RAC2: variants seen among roughly 807,000 people sequenced by gnomAD.
RAC2 encodes the protein Rac family small GTPase 2, also known as ras-related C3 botulinum toxin substrate 2.
In RAC2, 1 loss-of-function variant was observed where a neutral mutation model predicts 24.0. That is an observed-to-expected ratio of 0.04 (90% CI 0.01 to 0.20). RAC2 has a LOEUF of 0.20. Ranked by LOEUF, RAC2 falls within the 10% of genes least tolerant of loss-of-function variation. The pLI is 1.00. For synonymous variants in RAC2, 114 were observed against 106.8 expected, an observed-to-expected ratio of 1.07 and a Z score of -0.41; for missense variants, 130 against 259.1, an observed-to-expected ratio of 0.50 and a Z score of 3.42.
intron 2 of RAC2, among the ~76,000 whole-genome samples, chr22:37,237,231 G>A (rs879433264): frequency 7.4e-5 from 11 of 149,556 alleles, no homozygotes; most frequent in Non-Finnish European, 1.5e-4. Context: ...AAGGGAGGGA[G>A]GGAAGGAGGG....
At chr22:37,232,555 G>A (rs1231863711) in intron 3 of RAC2, 4 of 545,666 alleles carry the variant, frequency 7.3e-6, no homozygotes, top group African/African-American at 1.9e-5. Flanking sequence ...AACAGGGGGT[G>A]CCAGAGCCCA....
At chr22:37,241,077 C>T in intron 2 of RAC2, 2 of 754,130 alleles carry the variant, frequency 2.7e-6, no homozygotes, top group South Asian at 1.4e-5. Context: ...AGTCATCCTT[C>T]CCTCCTGAGT....
Position 37,231,804 on chromosome 22 carries a change from G to C in RAC2, c.288+128C>G. 9.1e-7 allele frequency: 1 copy of C among 1,097,142 alleles called. No homozygotes were observed. Among genetic ancestry groups the C allele is most frequent in the South Asian group, 1.4e-5 (1 of 73,726 alleles). 68.0% of individuals were successfully genotyped at this position (1,097,142 alleles called of 1,614,324 possible). Reference sequence around the variant, plus strand: ...TCAAGTCCCTCTGCCAGCCCTGGTTGGCACTGGGGACCCTCTCTGTATGCG... The same window carrying C: ...TCAAGTCCCTCTGCCAGCCCTGGTTCGCACTGGGGACCCTCTCTGTATGCG... On this transcript the variant is annotated intron_variant, in intron 4 of 6. Coordinates refer to ENST00000249071, the MANE Select transcript of RAC2 (RefSeq NM_002872.5). This position sits in a 1 kb window ranked among gnomAD's most constrained non-coding sequence, Gnocchi z 5.5.
chr22:37,232,633 A>C (rs369033175), intron 3 of RAC2, 168 bp downstream of exon 3: 5 of 656,202 alleles, frequency 7.6e-6, no homozygotes, highest in African/African-American at 7.1e-5. Context: ...AGGGAGTGCA[A>C]GAGGAAGCCC....
chr22:37,240,965 A>T, intron 2 of RAC2: 1 of 709,378 alleles, frequency 1.4e-6, no homozygotes, highest in South Asian at 1.5e-5. Flanking sequence ...GGTTGAGTGA[A>T]GGCCATCAGG....
chr22:37,241,061 C>A (rs761458473), intron 2 of RAC2: 18 of 733,392 alleles, frequency 2.5e-5, no homozygotes, highest in Admixed American at 1.2e-4. Flanking sequence ...GGGCTGGTGC[C>A]TCCCCAGTCA....
chr22:37,238,215 T>C (rs913199680), intron 2 of RAC2, among the ~76,000 whole-genome samples: 1 of 152,038 alleles, frequency 6.6e-6, no homozygotes, highest in South Asian at 2.1e-4. Context: ...TAACTTTCAG[T>C]TGTTTTTTGG....
rs138811708 is a variant in RAC2 at position 37,231,829 on chromosome 22, G to A, written c.288+103C>T. The A allele has an allele frequency of 3.0e-3, 4,063 of 1,355,276 alleles. 10 individuals are homozygous for A. The highest frequency in any genetic ancestry group is 3.7e-3 in the Middle Eastern group (17 of 4,636). The allele number at this position is 1,355,276 out of a possible 1,614,324, so 84.0% of individuals were successfully genotyped here. ...GGCACTGGGGACCCTCTCTGTATGC[G>A]ACCTCTGCTGCCCCAGGGACCAGCC... On this transcript the variant is annotated intron_variant, in intron 4 of 6. Transcript: ENST00000249071. This position sits in a 1 kb window ranked among gnomAD's most constrained non-coding sequence, Gnocchi z 5.5.
At chr22:37,230,281 G>A (rs1470899547) in intron 5 of RAC2, among the ~76,000 whole-genome samples, 1 of 151,890 alleles carries the variant, frequency 6.6e-6, no homozygotes, top group East Asian at 1.9e-4. Context: ...GCGGGGCTGG[G>A]GCGGTGGGGC....
chr22:37,241,310 C>G (rs1437490305), intron 2 of RAC2: 3 of 655,620 alleles, frequency 4.6e-6, no homozygotes, highest in African/African-American at 1.8e-5. Flanking sequence ...CCTGAGCCAG[C>G]CTTCTCCTCC....
At position 37,231,907 on chromosome 22, in the gene RAC2, C is replaced by G; in HGVS notation, c.288+25G>C. 1 of 1,551,332 alleles carries G rather than the reference C, an allele frequency of 6.4e-7. No individual in the cohort carries two copies. The highest frequency in any genetic ancestry group is 8.7e-7 in the Non-Finnish European group (1 of 1,146,814). On this transcript the variant is annotated intron_variant, in intron 4 of 6. Transcript: ENST00000249071. The surrounding 1 kb of genome is among the most constrained non-coding windows in gnomAD (Gnocchi z 5.5). Reference sequence around the variant, plus strand: ...CTCAGGGTTACCTGCCCCAGAGCCCCCAAGGCCCACCCTGTCCAGCTCACC... The same window carrying G: ...CTCAGGGTTACCTGCCCCAGAGCCCGCAAGGCCCACCCTGTCCAGCTCACC...
At chr22:37,243,408 C>T (rs935709817) in intron 1 of RAC2, among the ~76,000 whole-genome samples, 2 of 152,074 alleles carry the variant, frequency 1.3e-5, no homozygotes, top group African/African-American at 4.8e-5. Flanking sequence ...CCTGCCCCTC[C>T]CCTGCCGACC....
At position 37,237,805 on chromosome 22, in the gene RAC2, G is replaced by C. The variant is rs1481626592; in HGVS notation, c.107+3782C>G. ...CGATGGCAGGGAGTGAGGCAGATAA[G>C]GGCCCCGTCCTCAGGGAGCTTCCAT... On this transcript the variant is annotated intron_variant, in intron 2 of 6. Coordinates refer to ENST00000249071, the MANE Select transcript of RAC2 (RefSeq NM_002872.5). Among the ~76,000 whole-genome samples the C allele has an allele frequency of 2.6e-5, 4 of 152,108 alleles. No individual in the cohort carries two copies. In the East Asian group the frequency reaches 7.7e-4, roughly 29 times the overall value.
At position 37,227,999 on chromosome 22, in the gene RAC2, T is replaced by A. The variant is rs200087164; in HGVS notation, c.449-1196A>T. On this transcript the variant is annotated intron_variant, in intron 5 of 6. Coordinates refer to ENST00000249071, the MANE Select transcript of RAC2 (RefSeq NM_002872.5). ...CCAAATCTCTGGGAGCCTCACCTTC[T>A]AGAAAATTGTCTTGCCCATCCCTCC... Among the ~76,000 whole-genome samples, 5 of 152,228 alleles carry A rather than the reference T, an allele frequency of 3.3e-5. No homozygotes were observed. In the East Asian group the frequency reaches 9.7e-4, roughly 29 times the overall value.
intron 5 of RAC2, 136 bp from the exon 6 acceptor site, chr22:37,226,939 C>G: frequency 4.1e-6 from 4 of 975,778 alleles, no homozygotes; most frequent in Non-Finnish European, 5.7e-6. Context: ...ACGCCATACA[C>G]CCTCCCGTGC....
intron 2 of RAC2, among the ~76,000 whole-genome samples, chr22:37,234,740 C>T (rs959529410): frequency 1.3e-5 from 2 of 152,178 alleles, no homozygotes; most frequent in Admixed American, 6.5e-5. Context: ...ATGTTCTCAC[C>T]AACCTGGTCT....
intron 6 of RAC2, 123 bp downstream of exon 6, chr22:37,226,548 G>T: frequency 7.6e-7 from 1 of 1,321,008 alleles, no homozygotes; most frequent in Admixed American, 2.1e-5. Context: ...GGAAACTGAG[G>T]CAACCTCCAT....
rs1406175292 is a variant in RAC2 at position 37,244,196 on chromosome 22, C to T, written c.-48G>A. ...TCGGTGGTGACAGCTCAGGGCCAGG[C>T]GCGTTTCTGCGGGCGCAAGGGGTGT... is the stretch of plus-strand genomic sequence containing the variant. On this transcript the variant is annotated 5_prime_UTR_variant, in exon 1 of 7. Transcript: ENST00000249071. 6.2e-7 allele frequency: 1 copy of T among 1,608,012 alleles called. No homozygotes were observed. Among genetic ancestry groups the T allele is most frequent in the East Asian group, 2.2e-5 (1 of 44,448 alleles).
chr22:37,233,923 C>T (rs1569090473), intron 2 of RAC2, among the ~76,000 whole-genome samples: 1 of 152,244 alleles, frequency 6.6e-6, no homozygotes, highest in East Asian at 1.9e-4. Flanking sequence ...GCCTTTCAGC[C>T]CACCCCAGAG....
Sources: gnomAD v4.1 joint callset for allele counts (sites outside exome capture counted in the v4.1 genomes callset) on GRCh38, gnomAD v4.1.1 for gene constraint, Gnocchi (gnomAD v3.1) non-coding constraint, MANE v1.5 for transcripts, NCBI Gene and HGNC (gene_info 2026-07-23, HGNC 2026-07-21) for gene names.